The following AGO2 variants were observed in gnomAD, a reference collection of about 807,000 sequenced individuals.
AGO2 encodes the protein argonaute RISC catalytic component 2.
AGO2 carries 5 observed loss-of-function variants against 102.3 expected under a neutral mutation model. The observed-to-expected ratio is 0.05, with a 90% CI of 0.03 to 0.10. AGO2 has a LOEUF of 0.10. Ranked by LOEUF, AGO2 falls within the 10% of genes least tolerant of loss-of-function variation. The pLI is 1.00. For missense variants in AGO2, 541 were observed against 1,183.7 expected, an observed-to-expected ratio of 0.46 and a Z score of 7.97; for synonymous variants, 449 against 473.1, an observed-to-expected ratio of 0.95 and a Z score of 0.66.
At chr8:140,578,025 G>A (rs1440891961) in intron 2 of AGO2, among the ~76,000 whole-genome samples, 3 of 152,224 alleles carry the variant, frequency 2.0e-5, no homozygotes, top group African/African-American at 7.2e-5. Context: ...CACCCGTGGA[G>A]TCGGCTGGCA....
chr8:140,632,900 T>A, intron 1 of AGO2, among the ~76,000 whole-genome samples: 1 of 151,912 alleles, frequency 6.6e-6, no homozygotes, highest in East Asian at 1.9e-4. Flanking sequence ...TTGTAATTTT[T>A]CTTTTCTTTT....
At chr8:140,632,245 T>C (rs1324777710) in intron 1 of AGO2, among the ~76,000 whole-genome samples, 1 of 152,258 alleles carries the variant, frequency 6.6e-6, no homozygotes. Flanking sequence ...TCCCCAAGGT[T>C]TATCAAAGAC....
chr8:140,533,120 T>C (rs759341181), intron 17 of AGO2, among the ~76,000 whole-genome samples: 8 of 149,974 alleles, frequency 5.3e-5, no homozygotes, highest in Non-Finnish European at 8.9e-5. Context: ...CTGGGCCCGG[T>C]GGCTCACACC....
intron 2 of AGO2, among the ~76,000 whole-genome samples, chr8:140,575,519 T>C (rs1037110177): frequency 4.6e-5 from 7 of 152,168 alleles, no homozygotes; most frequent in African/African-American, 7.2e-5. Context: ...GATGGCTCCA[T>C]TGGAGGGGAA....
chr8:140,596,224 T>C (rs918522180), intron 1 of AGO2, among the ~76,000 whole-genome samples: 19 of 151,996 alleles, frequency 1.3e-4, no homozygotes, highest in African/African-American at 4.1e-4. Flanking sequence ...ATGAACAAAC[T>C]CTGGGAGAAG....
In AGO2 at chr8:140,626,234, C is replaced by T. The variant is rs147110708; in HGVS notation, c.22+9251G>A. 1.8e-4 allele frequency among the ~76,000 whole-genome samples: 27 copies of T among 152,294 alleles called. No homozygotes were observed. In the East Asian group the frequency reaches 4.8e-3, roughly 27 times the overall value. On this transcript the variant is annotated intron_variant, in intron 1 of 18. Coordinates refer to ENST00000220592, the MANE Select transcript of AGO2 (RefSeq NM_012154.5). ...GGTCTGTATAGAGGTGAGTTCTGAG[C>T]GACACAGGCCATCTTCTGTGTCCCT...
chr8:140,566,828 G>A (rs2073295016), intron 3 of AGO2, among the ~76,000 whole-genome samples: 1 of 152,188 alleles, frequency 6.6e-6, no homozygotes, highest in Non-Finnish European at 1.5e-5. Context: ...GGCAGCTACT[G>A]GGTCCCAACA....
At chr8:140,600,143 T>C (rs1237489923) in intron 1 of AGO2, among the ~76,000 whole-genome samples, 1 of 152,284 alleles carries the variant, frequency 6.6e-6, no homozygotes, top group African/African-American at 2.4e-5. Context: ...GCCAGCTTGC[T>C]GAACCACAAT....
intron 14 of AGO2, 111 bp downstream of exon 14, chr8:140,544,102 T>G (rs1196558914): frequency 1.7e-6 from 2 of 1,209,256 alleles, no homozygotes; most frequent in South Asian, 1.7e-5. Context: ...CGCAGCTTAG[T>G]GAGACCCCAT....
At chr8:140,621,827 C>T (rs1025211045) in intron 1 of AGO2, among the ~76,000 whole-genome samples, 4 of 152,124 alleles carry the variant, frequency 2.6e-5, no homozygotes, top group Non-Finnish European at 5.9e-5. Context: ...CTGAACCCTT[C>T]GTGAACTGCT....
chr8:140,576,884 G>A (rs1433116612), intron 2 of AGO2, among the ~76,000 whole-genome samples: 1 of 152,090 alleles, frequency 6.6e-6, no homozygotes, highest in Non-Finnish European at 1.5e-5. Context: ...TGAATCCACC[G>A]CTACACGCAA....
intron 1 of AGO2, among the ~76,000 whole-genome samples, chr8:140,616,170 C>T (rs1012738497): frequency 1.3e-5 from 2 of 152,202 alleles, no homozygotes; most frequent in Admixed American, 6.5e-5. Context: ...CTCAGGGAAC[C>T]CTAACCGCCA....
Position 140,590,949 on chromosome 8 carries a change from A to G in AGO2, c.23-5638T>C, listed in dbSNP as rs536123940. On this transcript the variant is annotated intron_variant, in intron 1 of 18. Transcript: ENST00000220592. ...CCTCCTCCTGTGGGCATGGGGACAC[A>G]GGATGTAGCCATCCACCACTGCTCC... is the stretch of plus-strand genomic sequence containing the variant. Among the ~76,000 whole-genome samples, 611 of 152,296 alleles carry G rather than the reference A, an allele frequency of 4.0e-3. 3 individuals carry two copies. The highest frequency in any genetic ancestry group is 0.014 in the African/African-American group (596 of 41,556).
In AGO2 at chr8:140,572,686, G is replaced by A; in HGVS notation, c.336+126C>T. ...GGATCTCAGGACGAAGCATGTGGCA[G>A]TGAACTGCTCTCTCCTCCTCAGTGA... On this transcript the variant is annotated intron_variant, in intron 3 of 18. Coordinates refer to ENST00000220592, the MANE Select transcript of AGO2 (RefSeq NM_012154.5). The A allele has an allele frequency of 2.2e-6, 3 of 1,348,918 alleles. No individual in the cohort carries two copies. In the South Asian group the frequency reaches 4.8e-5, roughly 22 times the overall value. 83.6% of individuals were successfully genotyped at this position (1,348,918 alleles called of 1,614,324 possible). A position where few individuals can be genotyped will look rare whatever the true frequency, so the allele number is the denominator to read the frequency against.
At chr8:140,633,141 G>A (rs1245878465) in intron 1 of AGO2, among the ~76,000 whole-genome samples, 41 of 152,062 alleles carry the variant, frequency 2.7e-4, no homozygotes, top group Admixed American at 2.7e-3. Flanking sequence ...TCGATCTCTT[G>A]ACCTCGTGAT....
intron 14 of AGO2, among the ~76,000 whole-genome samples, chr8:140,541,923 A>C (rs1359969366): frequency 6.6e-6 from 1 of 152,102 alleles, no homozygotes; most frequent in Non-Finnish European, 1.5e-5. Context: ...CAAAAACAAA[A>C]ACAGAAAAAC....
Position 140,635,499 on chromosome 8 carries a change from G to A in AGO2, c.8C>T (p.Ser3Leu). ...CCAGGACTCACCGGGGCCGGCTCCC[G>A]AGTACATGGTGGCGCCGCCGAGGGG... Reference protein sequence around the residue: MYSGAGPALAPPA... With the variant: MYLGAGPALAPPA... The change falls in exon 1 of 19, where the codon TCG becomes TTG. Residue 3 changes from serine (S) to leucine (L), a missense_variant. By Grantham distance (145) the Ser-to-Leu change is moderately radical. Transcript: ENST00000220592. 1 of 980,358 alleles carries A rather than the reference G, an allele frequency of 1.0e-6. No homozygotes were observed. The highest frequency in any genetic ancestry group is 1.2e-6 in the Non-Finnish European group (1 of 827,922). The allele number at this position is 980,358 out of a possible 1,614,324, so 60.7% of individuals were successfully genotyped here. A position where few individuals can be genotyped will look rare whatever the true frequency, so the allele number is the denominator to read the frequency against.
chr8:140,560,622 T>C, intron 4 of AGO2, 112 bp from the exon 5 acceptor site: 1 of 1,306,082 alleles, frequency 7.7e-7, no homozygotes, highest in Non-Finnish European at 1.0e-6. Context: ...GAGTTCCGTT[T>C]CCCCTCCTTT....
intron 1 of AGO2, among the ~76,000 whole-genome samples, chr8:140,620,711 AC>A (rs1282079276): frequency 6.6e-6 from 1 of 152,016 alleles, no homozygotes; most frequent in East Asian, 1.9e-4. Context: ...TACAAAAAAT[AC>A]AAAAAAATTA....
Sources: gnomAD v4.1 joint callset for allele counts (sites outside exome capture counted in the v4.1 genomes callset) on GRCh38, gnomAD v4.1.1 for gene constraint, MANE v1.5 for transcripts, NCBI Gene and HGNC (gene_info 2026-07-23, HGNC 2026-07-21) for gene names.